STK17A: variants seen among roughly 807,000 people sequenced by gnomAD.
STK17A encodes serine/threonine kinase 17a.
STK17A carries 26 observed loss-of-function variants against 43.7 expected under a neutral mutation model. The ratio of observed to expected loss-of-function variants is 0.60; its 90% CI spans 0.44 to 0.83. STK17A has a LOEUF of 0.83. Among genes scored for constraint, STK17A ranks in the 40% least tolerant of loss-of-function variants. STK17A has a pLI of 0.00. For missense variants in STK17A, 476 were observed against 511.6 expected, an observed-to-expected ratio of 0.93 and a Z score of 0.67; for synonymous variants, 191 against 182.5, an observed-to-expected ratio of 1.05 and a Z score of -0.38.
chr7:43,590,479 C>T (rs1285320084), intron 1 of STK17A, among the ~76,000 whole-genome samples: 4 of 151,386 alleles, frequency 2.6e-5, no homozygotes, highest in Non-Finnish European at 4.4e-5. Context: ...CCTTTCCCAC[C>T]TCTCTGGAAT....
chr7:43,608,747 GA>G (rs371357742), intron 3 of STK17A: 4 of 166,462 alleles, frequency 2.4e-5, no homozygotes, highest in African/African-American at 4.8e-5. Flanking sequence ...ATGTGTTTGG[GA>G]AAAAAATAAA....
Position 43,583,168 on chromosome 7 carries a change from G to C in STK17A, c.-76G>C, listed in dbSNP as rs1276808226. 1.3e-6 allele frequency: 2 copies of C among 1,483,464 alleles called. No individual in the cohort carries two copies. Among genetic ancestry groups the C allele is most frequent in the Non-Finnish European group, 1.8e-6 (2 of 1,102,564 alleles). The allele number at this position is 1,483,464 out of a possible 1,614,324, so 91.9% of individuals were successfully genotyped here. A position where few individuals can be genotyped will look rare whatever the true frequency, so the allele number is the denominator to read the frequency against. On this transcript the variant is annotated 5_prime_UTR_variant, in exon 1 of 7. Transcript: ENST00000319357. ...TGAAGGCTCCGCGGACCGGCACTAG[G>C]AGCCGGGGGCGGGTCCGTGACCCTC...
In STK17A at chr7:43,612,764, G is replaced by C. The variant is rs545806511; in HGVS notation, c.564+4364G>C. Reference sequence around the variant, plus strand: ...CAATTTGCCAAAAGACTGATTCACTGAAGACTGTCAGCCAAATATCTTAAA... The same window carrying C: ...CAATTTGCCAAAAGACTGATTCACTCAAGACTGTCAGCCAAATATCTTAAA... On this transcript the variant is annotated intron_variant, in intron 3 of 6. Transcript: ENST00000319357. Among the ~76,000 whole-genome samples, 295 of 151,802 alleles carry C rather than the reference G, an allele frequency of 1.9e-3. 2 individuals carry two copies. Among genetic ancestry groups the C allele is most frequent in the African/African-American group, 6.6e-3 (272 of 41,360 alleles).
At chr7:43,598,667 G>C (rs1337565346) in intron 2 of STK17A, among the ~76,000 whole-genome samples, 1 of 152,000 alleles carries the variant, frequency 6.6e-6, no homozygotes, top group Non-Finnish European at 1.5e-5. Context: ...AAAGAGCCAA[G>C]AGCTCAAGAA....
intron 2 of STK17A, 62 bp from the exon 3 acceptor site, chr7:43,608,194 T>C: frequency 6.8e-7 from 1 of 1,472,380 alleles, no homozygotes. Context: ...CTCTGTAGTT[T>C]TGGTGTAAGT....
At position 43,593,038 on chromosome 7, in the gene STK17A, A is replaced by G. The variant is rs147456294; in HGVS notation, c.207-2863A>G. On this transcript the variant is annotated intron_variant, in intron 1 of 6. Coordinates refer to ENST00000319357, the MANE Select transcript of STK17A (RefSeq NM_004760.3). ...TGTGCTCATCACCTAAATAGCGTAC[A>G]TTGTACCCAATAGGTAGTATTTAAT... 4.6e-3 allele frequency among the ~76,000 whole-genome samples: 702 copies of G among 152,338 alleles called. 7 individuals carry two copies. Among genetic ancestry groups the G allele is most frequent in the East Asian group, 0.045 (234 of 5,188 alleles).
At chr7:43,595,284 TTTTC>T (rs1477683418) in intron 1 of STK17A, among the ~76,000 whole-genome samples, 6 of 145,910 alleles carry the variant, frequency 4.1e-5, no homozygotes, top group African/African-American at 1.0e-4. Context: ...TTTTTTTTTT[TTTTC>T]CCCCCTGGAG....
At chr7:43,601,848 G>C (rs1330691218) in intron 2 of STK17A, among the ~76,000 whole-genome samples, 3 of 152,088 alleles carry the variant, frequency 2.0e-5, no homozygotes, top group Admixed American at 6.5e-5. Flanking sequence ...TCCATCTTCA[G>C]CTAGGCTCAT....
In STK17A at chr7:43,627,176, T is replaced by TG; in HGVS notation, c.*2334_*2335insG. ...GGTGAAACGTTGTTTATGAAATGTA[T>TG]AAAATGTATAAGTTTTAATCAACTG... On this transcript the variant is annotated 3_prime_UTR_variant, in exon 7 of 7. Coordinates refer to ENST00000319357, the MANE Select transcript of STK17A (RefSeq NM_004760.3). 6.6e-6 allele frequency among the ~76,000 whole-genome samples: 1 copy of TG among 152,262 alleles called. No homozygotes were observed. Among genetic ancestry groups the TG allele is most frequent in the Admixed American group, 6.5e-5 (1 of 15,288 alleles).
intron 1 of STK17A, among the ~76,000 whole-genome samples, chr7:43,594,973 G>T (rs933492495): frequency 6.6e-6 from 1 of 151,848 alleles, no homozygotes; most frequent in Non-Finnish European, 1.5e-5. Flanking sequence ...CACTTATAGG[G>T]TTCAAGCCCA....
intron 2 of STK17A, among the ~76,000 whole-genome samples, chr7:43,596,865 C>A (rs2082519157): frequency 2.4e-5 from 2 of 82,858 alleles, no homozygotes; most frequent in Non-Finnish European, 4.9e-5. Context: ...GAGACTCCAT[C>A]TCAAAAAAAA....
intron 2 of STK17A, among the ~76,000 whole-genome samples, chr7:43,598,273 A>G (rs2082532795): frequency 6.6e-6 from 1 of 152,110 alleles, no homozygotes; most frequent in African/African-American, 2.4e-5. Context: ...GATCGAGACT[A>G]TCCTGGCTAA....
At chr7:43,587,153 TG>T (rs780292749) in intron 1 of STK17A, among the ~76,000 whole-genome samples, 5,850 of 126,220 alleles carry the variant, frequency 0.046, 405 homozygotes, top group Admixed American at 0.074. Flanking sequence ...TATTGTTTTT[TG>T]TTTTTTTTTT....
rs2082997651 is a variant in STK17A at position 43,612,820 on chromosome 7, G to A, written c.564+4420G>A. On this transcript the variant is annotated intron_variant, in intron 3 of 6. Coordinates refer to ENST00000319357, the MANE Select transcript of STK17A (RefSeq NM_004760.3). ...CTGGGAAAGTTCTTGGGGTGGGGGA[G>A]GGAGTAGCAGATGCAGATTTAGGAG... Among the ~76,000 whole-genome samples, 2 of 152,122 alleles carry A rather than the reference G, an allele frequency of 1.3e-5. 1 individual carries two copies. The highest frequency in any genetic ancestry group is 4.1e-4 in the South Asian group (2 of 4,824).
At chr7:43,602,191 A>G (rs535002098) in intron 2 of STK17A, among the ~76,000 whole-genome samples, 2 of 152,126 alleles carry the variant, frequency 1.3e-5, no homozygotes, top group East Asian at 3.9e-4. Flanking sequence ...TTTTTTCCTA[A>G]GTTATGTAAC....
chr7:43,618,560 A>T (rs1190732200), intron 3 of STK17A, among the ~76,000 whole-genome samples: 1 of 152,226 alleles, frequency 6.6e-6, no homozygotes, highest in African/African-American at 2.4e-5. Context: ...CTTTGGAAAT[A>T]TTCTTAATGG....
In STK17A at chr7:43,623,750, C is replaced by A; in HGVS notation, c.782C>A (p.Ser261Ter). ...VLTYVMLTGI[S>*]PFLGNDKQET... ...ACATATGTCATGCTTACAGGAATAT[C>A]ACCTTTCTTAGGCAATGATAAACAA... The change falls in exon 6 of 7, where the codon TCA (serine) becomes TAA (stop). Residue 261 changes from serine to a stop codon, truncating the protein, a stop_gained. Transcript: ENST00000319357. LOFTEE classifies it high-confidence loss of function. 6.2e-7 allele frequency: 1 copy of A among 1,606,424 alleles called. No individual in the cohort carries two copies. Among genetic ancestry groups the A allele is most frequent in the South Asian group, 1.1e-5 (1 of 88,702 alleles).
chr7:43,587,793 A>G (rs946784177), intron 1 of STK17A, among the ~76,000 whole-genome samples: 3 of 151,630 alleles, frequency 2.0e-5, no homozygotes, highest in Non-Finnish European at 3.0e-5. Context: ...GTAATCTGAT[A>G]CTTTGGATAG....
chr7:43,618,355 A>C (rs972955875), intron 3 of STK17A, among the ~76,000 whole-genome samples: 1 of 152,190 alleles, frequency 6.6e-6, no homozygotes, highest in African/African-American at 2.4e-5. Context: ...CGTCCTGAAC[A>C]AAGGCAGTAC....
Sources: gnomAD v4.1 joint callset for allele counts (sites outside exome capture counted in the v4.1 genomes callset) on GRCh38, gnomAD v4.1.1 for gene constraint, MANE v1.5 for transcripts, NCBI Gene and HGNC (gene_info 2026-07-23, HGNC 2026-07-21) for gene names.